The following PDZRN4 variants were observed in gnomAD, a reference collection of about 807,000 sequenced individuals.
PDZRN4 encodes the protein PDZ domain-containing RING finger protein 4.
PDZRN4 carries 70 observed loss-of-function variants against 99.0 expected under a neutral mutation model. That is an observed-to-expected ratio of 0.71 (90% CI 0.58 to 0.86). PDZRN4 has a LOEUF of 0.86. Among genes scored for constraint, PDZRN4 ranks in the 40% least tolerant of loss-of-function variants. The pLI, the probability that PDZRN4 is intolerant of heterozygous loss-of-function variation, is 0.00. For missense variants in PDZRN4, 1,474 were observed against 1,331.2 expected, an observed-to-expected ratio of 1.11 and a Z score of -1.67; for synonymous variants, 551 against 501.6, an observed-to-expected ratio of 1.10 and a Z score of -1.32.
intron 3 of PDZRN4, among the ~76,000 whole-genome samples, chr12:41,273,698 T>TA (rs138060538): frequency 0.074 from 11,237 of 152,150 alleles, 493 homozygotes; most frequent in African/African-American, 0.12. Context: ...TTATAATACC[T>TA]AAAAAATGAC....
At chr12:41,428,791 A>G (rs1260776064) in intron 3 of PDZRN4, among the ~76,000 whole-genome samples, 1 of 152,220 alleles carries the variant, frequency 6.6e-6, no homozygotes, top group Non-Finnish European at 1.5e-5. Context: ...CCAGACGCTC[A>G]TGAGCGAATG....
At chr12:41,423,700 T>G (rs1336719681) in intron 3 of PDZRN4, among the ~76,000 whole-genome samples, 1 of 152,196 alleles carries the variant, frequency 6.6e-6, no homozygotes, top group Non-Finnish European at 1.5e-5. Flanking sequence ...GCCATTGGAC[T>G]CCTACTCCCA....
intron 3 of PDZRN4, among the ~76,000 whole-genome samples, chr12:41,404,114 T>C (rs758651263): frequency 1.6e-4 from 24 of 152,200 alleles, no homozygotes; most frequent in Non-Finnish European, 2.8e-4. Context: ...ATGTAAATGA[T>C]ATATACATAG....
At chr12:41,491,969 T>G (rs1435298465) in intron 3 of PDZRN4, among the ~76,000 whole-genome samples, 2 of 152,168 alleles carry the variant, frequency 1.3e-5, no homozygotes, top group Non-Finnish European at 2.9e-5. Flanking sequence ...AATTTATACT[T>G]GTTTCTTTCA....
intron 3 of PDZRN4, among the ~76,000 whole-genome samples, chr12:41,210,467 G>T (rs901933663): frequency 2.0e-5 from 3 of 151,870 alleles, no homozygotes; most frequent in Non-Finnish European, 4.4e-5. Context: ...TCTTTTGGAA[G>T]GGAAGTGTTA....
intron 4 of PDZRN4, among the ~76,000 whole-genome samples, chr12:41,508,510 C>T (rs964073912): frequency 2.0e-5 from 3 of 152,124 alleles, no homozygotes; most frequent in Non-Finnish European, 2.9e-5. Flanking sequence ...AAATAAACGT[C>T]GAATGAATAA....
At chr12:41,317,861 C>A (rs1024979598) in intron 3 of PDZRN4, among the ~76,000 whole-genome samples, 1 of 151,988 alleles carries the variant, frequency 6.6e-6, no homozygotes, top group Non-Finnish European at 1.5e-5. Flanking sequence ...GATTTTCAAT[C>A]GCTTCCTATT....
Position 41,199,460 on chromosome 12 carries a change from A to T in PDZRN4, c.843+5272A>T, listed in dbSNP as rs183814392. Among the ~76,000 whole-genome samples the T allele has an allele frequency of 8.5e-5, 13 of 152,294 alleles. No individual in the cohort carries two copies. In the East Asian group the frequency reaches 2.5e-3, roughly 29 times the overall value. The stretch of plus-strand genomic sequence containing the variant: ...GGAAAACACTATGGCGACTTCCCAA[A>T]GGATTAAAAATAAAGCTACCATTTG... On this transcript the variant is annotated intron_variant, in intron 3 of 9. Coordinates refer to ENST00000402685, the MANE Select transcript of PDZRN4 (RefSeq NM_001164595.2).
At chr12:41,340,582 A>G (rs1347540848) in intron 3 of PDZRN4, among the ~76,000 whole-genome samples, 1 of 151,968 alleles carries the variant, frequency 6.6e-6, no homozygotes, top group African/African-American at 2.4e-5. Context: ...TAACTAGAGT[A>G]TAATCAGAAT....
chr12:41,193,122 T>C (rs1217647920), intron 2 of PDZRN4, among the ~76,000 whole-genome samples: 2 of 152,250 alleles, frequency 1.3e-5, no homozygotes, highest in Non-Finnish European at 2.9e-5. Flanking sequence ...AACTAATGAC[T>C]GCTGTGCTTC....
At chr12:41,245,899 T>C (rs967260263) in intron 3 of PDZRN4, among the ~76,000 whole-genome samples, 1 of 152,156 alleles carries the variant, frequency 6.6e-6, no homozygotes, top group Non-Finnish European at 1.5e-5. Context: ...AAATTAGATG[T>C]GGCTCAGTCC....
chr12:41,194,335 T>TA, intron 3 of PDZRN4, 147 bp downstream of exon 3: 1 of 618,492 alleles, frequency 1.6e-6, no homozygotes, highest in Non-Finnish European at 2.8e-6. Context: ...TTTACTTTCT[T>TA]ACAAAAAATG....
intron 3 of PDZRN4, among the ~76,000 whole-genome samples, chr12:41,480,451 T>C (rs1937654317): frequency 6.6e-6 from 1 of 152,224 alleles, no homozygotes; most frequent in Non-Finnish European, 1.5e-5. Flanking sequence ...TTTTAGAGAC[T>C]GATTCTGGGT....
At chr12:41,316,856 A>G (rs1328408586) in intron 3 of PDZRN4, among the ~76,000 whole-genome samples, 1 of 151,342 alleles carries the variant, frequency 6.6e-6, no homozygotes, top group Non-Finnish European at 1.5e-5. Context: ...CCTCCATCTC[A>G]TTGACTCCCC....
At chr12:41,309,663 T>C (rs996876722) in intron 3 of PDZRN4, among the ~76,000 whole-genome samples, 1 of 152,032 alleles carries the variant, frequency 6.6e-6, no homozygotes, top group Non-Finnish European at 1.5e-5. Context: ...TTAATGGCTG[T>C]AATATGTAAA....
chr12:41,321,388 G>A (rs10748297), intron 3 of PDZRN4, among the ~76,000 whole-genome samples: 6 of 151,990 alleles, frequency 3.9e-5, no homozygotes, highest in Admixed American at 2.6e-4. Flanking sequence ...TTTTAATGCT[G>A]TAATTTATAA....
At chr12:41,460,798 G>A (rs1178856253) in intron 3 of PDZRN4, among the ~76,000 whole-genome samples, 1 of 152,190 alleles carries the variant, frequency 6.6e-6, no homozygotes, top group Non-Finnish European at 1.5e-5. Context: ...GTAGAGTTAT[G>A]TCTTGCTGTA....
At chr12:41,390,664 T>C (rs1425777742) in intron 3 of PDZRN4, among the ~76,000 whole-genome samples, 8 of 151,668 alleles carry the variant, frequency 5.3e-5, no homozygotes, top group African/African-American at 1.7e-4. Context: ...TAACATATTA[T>C]CCCATCAATA....
At chr12:41,326,549 A>G (rs1951710732) in intron 3 of PDZRN4, among the ~76,000 whole-genome samples, 1 of 152,150 alleles carries the variant, frequency 6.6e-6, no homozygotes, top group Non-Finnish European at 1.5e-5. Context: ...AAAAGGATTA[A>G]AAAGTGAGTA....
Sources: gnomAD v4.1 joint callset for allele counts (sites outside exome capture counted in the v4.1 genomes callset) on GRCh38, gnomAD v4.1.1 for gene constraint, MANE v1.5 for transcripts, NCBI Gene and HGNC (gene_info 2026-07-23, HGNC 2026-07-21) for gene names.